Variants in ERGIC1 observed in about 807,000 individuals in gnomAD.
ERGIC1 encodes endoplasmic reticulum-golgi intermediate compartment 1.
In ERGIC1, 19 loss-of-function variants were observed where a neutral mutation model predicts 38.3. The observed-to-expected ratio is 0.50, with a 90% confidence interval of 0.35 to 0.73. The LOEUF (loss-of-function observed/expected upper bound fraction) is 0.73. Among genes scored for constraint, ERGIC1 ranks in the 30% least tolerant of loss-of-function variants. The pLI is 0.01. For missense variants in ERGIC1, 294 were observed against 389.2 expected (o/e 0.76, Z 2.06); for synonymous variants, 124 against 157.6 (o/e 0.79, Z 1.60).
chr5:172,950,292 T>C (rs1000892190), intron 9 of ERGIC1, among the ~76,000 whole-genome samples: 2 of 152,150 alleles, frequency 1.3e-5, no homozygotes, highest in East Asian at 1.9e-4. Flanking sequence ...ATTGTAAATA[T>C]GTGATAAATT....
rs1763800522 is a variant in ERGIC1, at chr5:172,932,503, G to A, written c.609G>A (p.Gln203=). 4 of 1,614,068 alleles carry A rather than the reference G, an allele frequency of 2.5e-6. No individual in the cohort carries two copies. Among genetic ancestry groups the A allele is most frequent in the Admixed American group, 1.7e-5 (1 of 60,006 alleles). The stretch of plus-strand genomic sequence containing the variant: ...TTTATGAGGACAAGAGTGGCAAGCA[G>A]CGGTACTCCTACCAGTACACGGTGG... ...PTVYEDKSGK[Q]RYSYQYTVAN... Residue 203 remains glutamine (Q), a synonymous_variant, in exon 8 of 10, where the codon CAG becomes CAA. Transcript: ENST00000393784.
chr5:172,914,954 C>A, intron 5 of ERGIC1, 116 bp downstream of exon 5: 1 of 1,508,182 alleles, frequency 6.6e-7, no homozygotes, highest in Non-Finnish European at 9.1e-7. Context: ...CAGCCCCCAG[C>A]AAGCGAGGGT....
chr5:172,915,636 G>A (rs905881546), intron 5 of ERGIC1: 7 of 471,014 alleles, frequency 1.5e-5, no homozygotes, highest in African/African-American at 1.4e-4. Flanking sequence ...CTCGAAGCTC[G>A]GTACTGTCAC....
At chr5:172,889,824 C>T (rs1204986399) in intron 2 of ERGIC1, among the ~76,000 whole-genome samples, 2 of 152,212 alleles carry the variant, frequency 1.3e-5, no homozygotes, top group African/African-American at 4.8e-5. Context: ...GAGCATCCCA[C>T]ATCCAAAAAC....
At chr5:172,942,348 C>T (rs879417630) in intron 9 of ERGIC1, among the ~76,000 whole-genome samples, 4 of 152,152 alleles carry the variant, frequency 2.6e-5, no homozygotes, top group Non-Finnish European at 4.4e-5. Context: ...TATGCCGCCT[C>T]GGTTCTCTCC....
chr5:172,861,982 A>T (rs1006045334), intron 1 of ERGIC1, among the ~76,000 whole-genome samples: 15 of 151,690 alleles, frequency 9.9e-5, no homozygotes, highest in African/African-American at 2.7e-4. Context: ...TTATTTATTT[A>T]TTTTTTAATT....
At chr5:172,932,656 TG>T in intron 8 of ERGIC1, 120 bp downstream of exon 8, 2 of 1,013,972 alleles carry the variant, frequency 2.0e-6, no homozygotes, top group Admixed American at 2.2e-5. Flanking sequence ...AGGCCTTTCC[TG>T]GGGGTTAGCT....
At chr5:172,891,309 T>C (rs1581546027) in intron 2 of ERGIC1, among the ~76,000 whole-genome samples, 1 of 152,188 alleles carries the variant, frequency 6.6e-6, no homozygotes, top group South Asian at 2.1e-4. Context: ...AAATGAGGCT[T>C]CCTGCCCCAT....
At chr5:172,838,090 T>A (rs529132722) in intron 1 of ERGIC1, among the ~76,000 whole-genome samples, 2 of 152,318 alleles carry the variant, frequency 1.3e-5, no homozygotes, top group South Asian at 4.1e-4. Flanking sequence ...GACCATTGAC[T>A]TCCCCTCTCG....
At chr5:172,903,930 G>T (rs974877633) in intron 3 of ERGIC1, among the ~76,000 whole-genome samples, 2 of 151,324 alleles carry the variant, frequency 1.3e-5, no homozygotes, top group Non-Finnish European at 2.9e-5. Context: ...CAAGAAGGGT[G>T]TGGAATCGGC....
intron 3 of ERGIC1, among the ~76,000 whole-genome samples, chr5:172,907,182 C>G (rs1763053225): frequency 6.6e-6 from 1 of 152,252 alleles, no homozygotes; most frequent in South Asian, 2.1e-4. Context: ...GCACAGCAGC[C>G]CCTCCAGTGG....
At chr5:172,892,878 C>T (rs993931185) in intron 2 of ERGIC1, among the ~76,000 whole-genome samples, 6 of 152,154 alleles carry the variant, frequency 3.9e-5, no homozygotes, top group Non-Finnish European at 7.3e-5. Context: ...GCCATGAATG[C>T]GTGTGATCGG....
chr5:172,900,488 C>T, intron 3 of ERGIC1, among the ~76,000 whole-genome samples: 1 of 152,082 alleles, frequency 6.6e-6, no homozygotes, highest in East Asian at 1.9e-4. Flanking sequence ...CAGAGGATCA[C>T]TTAGCCCAGG....
At chr5:172,935,035 G>C (rs1321784225) in intron 8 of ERGIC1, 153 bp from the exon 9 acceptor site, 2 of 1,088,448 alleles carry the variant, frequency 1.8e-6, no homozygotes, top group African/African-American at 3.1e-5. Flanking sequence ...CCAGGGGAAG[G>C]GATGTGAGAG....
At chr5:172,904,291 A>C (rs1762964110) in intron 3 of ERGIC1, among the ~76,000 whole-genome samples, 1 of 152,240 alleles carries the variant, frequency 6.6e-6, no homozygotes, top group Non-Finnish European at 1.5e-5. Context: ...TTCTGTCACC[A>C]AAGAAGGGTC....
intron 5 of ERGIC1, among the ~76,000 whole-genome samples, chr5:172,923,377 G>A (rs1038980968): frequency 3.3e-5 from 5 of 151,088 alleles, no homozygotes; most frequent in Admixed American, 6.6e-5. Flanking sequence ...GGGGGAGGAG[G>A]GGGAGGAGGA....
intron 1 of ERGIC1, among the ~76,000 whole-genome samples, chr5:172,876,747 T>C (rs376729424): frequency 6.6e-6 from 1 of 152,214 alleles, no homozygotes; most frequent in East Asian, 1.9e-4. Context: ...CCGCTCTCCC[T>C]GGGCAGCTGA....
rs1763596428 is a variant in ERGIC1 at position 172,924,089 on chromosome 5, T to C, written c.460T>C (p.Ser154Pro). ...CATGACGCATGTCATCCACAAGCTC[T>C]CCTTTGGGGACACGCTACAGGTGAG... Reference protein sequence around the residue: ...PDMTHVIHKLSFGDTLQVQNI... With the variant: ...PDMTHVIHKLPFGDTLQVQNI... Residue 154 changes from serine to proline, a missense_variant, in exon 6 of 10, where the codon TCC becomes CCC. This residue lies in a region of ERGIC1 where 163 missense variants were observed against 225.8 expected (regional missense o/e 0.72). Transcript: ENST00000393784. 1 of 1,613,808 alleles carries C rather than the reference T, an allele frequency of 6.2e-7. No individual in the cohort carries two copies. The highest frequency in any genetic ancestry group is 1.3e-5 in the African/African-American group (1 of 75,012).
chr5:172,911,882 C>T (rs1250783957), intron 4 of ERGIC1, among the ~76,000 whole-genome samples: 1 of 152,080 alleles, frequency 6.6e-6, no homozygotes, highest in Admixed American at 6.5e-5. Context: ...TCCCCTGTCC[C>T]CCTTCTTGTC....
Sources: allele counts gnomAD v4.1 joint callset (sites outside exome capture counted in the v4.1 genomes callset), GRCh38; gene constraint gnomAD v4.1.1; regional missense constraint gnomAD v4.1.1; transcripts MANE v1.5; gene names NCBI Gene and HGNC (gene_info 2026-07-23, HGNC 2026-07-21).